The following TANC2 variants were observed in gnomAD, a reference collection of about 807,000 sequenced individuals.
TANC2 encodes tetratricopeptide repeat, ankyrin repeat and coiled-coil containing 2.
In TANC2, 26 loss-of-function variants were observed where a neutral mutation model predicts 210.5. That is an observed-to-expected ratio of 0.12 (90% CI 0.09 to 0.17). The LOEUF is 0.17. TANC2 is among the 10% of genes least tolerant of loss of function. The pLI, the probability that TANC2 is intolerant of heterozygous loss-of-function variation, is 1.00. For missense variants in TANC2, 2,129 were observed against 2,608.9 expected, an observed-to-expected ratio of 0.82 and a Z score of 4.01; for synonymous variants, 931 against 967.1, an observed-to-expected ratio of 0.96 and a Z score of 0.69.
chr17:63,266,485 C>T (rs1038833111), intron 8 of TANC2, among the ~76,000 whole-genome samples: 2 of 152,172 alleles, frequency 1.3e-5, no homozygotes, highest in African/African-American at 4.8e-5. Context: ...AGTTTACTTA[C>T]TGTCATAATT....
intron 9 of TANC2, among the ~76,000 whole-genome samples, chr17:63,299,316 T>C (rs1179183359): frequency 6.6e-6 from 1 of 152,154 alleles, no homozygotes; most frequent in Non-Finnish European, 1.5e-5. Context: ...TTAAATGGTA[T>C]TTTTGGGTCT....
chr17:63,013,761 TTAA>T (rs1483270600), intron 2 of TANC2, among the ~76,000 whole-genome samples: 2,856 of 85,432 alleles, frequency 0.033, 35 homozygotes, highest in South Asian at 0.066. Context: ...GACCCTGTCT[TTAA>T]AAAAAAAAAA....
intron 7 of TANC2, among the ~76,000 whole-genome samples, chr17:63,216,873 A>G (rs1453019228): frequency 6.6e-6 from 1 of 152,230 alleles, no homozygotes; most frequent in Non-Finnish European, 1.5e-5. Flanking sequence ...CTCAAACTAA[A>G]CAATGTTCTC....
At chr17:63,104,726 C>G (rs1463821130) in intron 4 of TANC2, among the ~76,000 whole-genome samples, 2 of 152,112 alleles carry the variant, frequency 1.3e-5, no homozygotes, top group East Asian at 3.9e-4. Context: ...ATAACTCTTA[C>G]TCGGAAGTGG....
At chr17:63,146,337 T>C (rs533524890) in intron 4 of TANC2, among the ~76,000 whole-genome samples, 2 of 152,246 alleles carry the variant, frequency 1.3e-5, no homozygotes, top group South Asian at 4.1e-4. Context: ...ATAAGTTGTC[T>C]TCTGCAAACA....
intron 11 of TANC2, chr17:63,333,904 A>G (rs555111968): frequency 1.2e-4 from 18 of 152,232 alleles, no homozygotes; most frequent in Non-Finnish European, 1.3e-4. Context: ...TTAACAATAA[A>G]GTATTTTTAA....
chr17:62,976,736 T>G (rs1183508847), intron 1 of TANC2, among the ~76,000 whole-genome samples: 2 of 152,226 alleles, frequency 1.3e-5, no homozygotes, highest in Non-Finnish European at 2.9e-5. Context: ...GTACTTTATA[T>G]TCTTAGCTCT....
chr17:63,129,114 C>A (rs771341157), intron 4 of TANC2, among the ~76,000 whole-genome samples: 1 of 152,040 alleles, frequency 6.6e-6, no homozygotes, highest in Non-Finnish European at 1.5e-5. Flanking sequence ...CCCACCTCAG[C>A]CTCCAAAATA....
intron 4 of TANC2, among the ~76,000 whole-genome samples, chr17:63,113,449 G>A (rs922943158): frequency 3.9e-5 from 6 of 152,124 alleles, no homozygotes; most frequent in Non-Finnish European, 5.9e-5. Context: ...TACCTTGTCC[G>A]TCAGTCATTC....
At chr17:63,062,725 C>A (rs1051063380) in intron 2 of TANC2, among the ~76,000 whole-genome samples, 1 of 152,098 alleles carries the variant, frequency 6.6e-6, no homozygotes, top group African/African-American at 2.4e-5. Flanking sequence ...TTGTTCTTAG[C>A]AATACCCATT....
intron 1 of TANC2, among the ~76,000 whole-genome samples, chr17:62,996,490 T>A (rs909617174): frequency 1.3e-5 from 2 of 152,192 alleles, no homozygotes; most frequent in Non-Finnish European, 2.9e-5. Flanking sequence ...CTTCCCTTTT[T>A]TTTTTGTCTA....
intron 1 of TANC2, among the ~76,000 whole-genome samples, chr17:62,980,343 A>T (rs775630881): frequency 8.5e-5 from 13 of 152,194 alleles, no homozygotes; most frequent in Non-Finnish European, 1.8e-4. Flanking sequence ...GATGCTTTTC[A>T]TATAGGTTAT....
At chr17:63,255,777 A>G (rs2043176114) in intron 8 of TANC2, among the ~76,000 whole-genome samples, 1 of 145,292 alleles carries the variant, frequency 6.9e-6, no homozygotes, top group South Asian at 2.1e-4. Context: ...GATCTTTTGT[A>G]TTTTTTGTTT....
intron 14 of TANC2, among the ~76,000 whole-genome samples, chr17:63,371,504 T>C (rs1397368104): frequency 6.6e-6 from 1 of 152,128 alleles, no homozygotes; most frequent in African/African-American, 2.4e-5. Flanking sequence ...AAGTGTTGTT[T>C]CTCTGAAGCA....
intron 4 of TANC2, among the ~76,000 whole-genome samples, chr17:63,100,322 T>A (rs2037573579): frequency 1.3e-5 from 2 of 152,142 alleles, no homozygotes; most frequent in African/African-American, 4.8e-5. Context: ...GCATTTCTTC[T>A]ATAGTTCTAC....
chr17:63,408,218 G>A (rs192949627), intron 21 of TANC2, among the ~76,000 whole-genome samples: 20 of 152,246 alleles, frequency 1.3e-4, no homozygotes, highest in Non-Finnish European at 2.9e-5. Flanking sequence ...ATGTGCAAGA[G>A]GTATTTTGGA....
chr17:63,361,423 G>GCCAGCA (rs1397949370), intron 14 of TANC2, among the ~76,000 whole-genome samples: 5 of 152,234 alleles, frequency 3.3e-5, no homozygotes, highest in Non-Finnish European at 7.3e-5. Flanking sequence ...TGCACAACCA[G>GCCAGCA]GCACGCTGGC....
At chr17:63,040,515 A>T (rs1266090110) in intron 2 of TANC2, among the ~76,000 whole-genome samples, 5 of 152,106 alleles carry the variant, frequency 3.3e-5, no homozygotes, top group Non-Finnish European at 7.4e-5. Flanking sequence ...TACTTAAGCC[A>T]CACCCAGCAG....
At chr17:63,346,869 CT>C (rs1257200136) in intron 12 of TANC2, among the ~76,000 whole-genome samples, 1 of 151,556 alleles carries the variant, frequency 6.6e-6, no homozygotes, top group Non-Finnish European at 1.5e-5. Flanking sequence ...CCATACCTGG[CT>C]AATTTTTTTT....
Sources: gnomAD v4.1 joint callset for allele counts (sites outside exome capture counted in the v4.1 genomes callset) on GRCh38, gnomAD v4.1.1 for gene constraint, MANE v1.5 for transcripts, NCBI Gene and HGNC (gene_info 2026-07-23, HGNC 2026-07-21) for gene names.